The following TDRP variants were observed in gnomAD, a reference collection of about 807,000 sequenced individuals.
TDRP encodes the protein testis development-related protein.
Under a neutral mutation model 10.5 loss-of-function variants are expected in TDRP, and 12 were observed. The observed-to-expected ratio is 1.15, with a 90% CI of 0.73 to 1.86. TDRP has a LOEUF of 1.86. Among genes scored for constraint, TDRP ranks in the 40% most tolerant of loss-of-function variants. The pLI is 0.00. For missense variants in TDRP, 353 were observed against 229.2 expected (o/e 1.54, Z -3.49); for synonymous variants, 139 against 95.4 (o/e 1.46, Z -2.67).
At chr8:496,140 C>T (rs539711991) in intron 1 of TDRP, among the ~76,000 whole-genome samples, 44 of 152,134 alleles carry the variant, frequency 2.9e-4, no homozygotes, top group Non-Finnish European at 5.0e-4. Flanking sequence ...AAGAAACCAT[C>T]ACAGCAAAAA....
chr8:501,066 G>A (rs764680765), intron 1 of TDRP, among the ~76,000 whole-genome samples: 12 of 151,966 alleles, frequency 7.9e-5, no homozygotes, highest in South Asian at 2.1e-4. Context: ...TTAGCCGGGC[G>A]TGATGGCGGG....
chr8:494,167 T>G (rs1801063590), intron 2 of TDRP, among the ~76,000 whole-genome samples: 1 of 151,992 alleles, frequency 6.6e-6, no homozygotes, highest in Admixed American at 6.6e-5. Flanking sequence ...TTCACCATGT[T>G]GGCCAGGCTG....
At chr8:545,505 C>G (rs1802629778), upstream of TDRP, 1 of 151,852 alleles carries the variant, frequency 6.6e-6, no homozygotes, top group Non-Finnish European at 1.5e-5. Flanking sequence ...GCTCGGGTCA[C>G]CAAGGCAACG....
chr8:494,935 A>C (rs950397957), intron 1 of TDRP: 1 of 185,118 alleles, frequency 5.4e-6, no homozygotes, highest in African/African-American at 2.4e-5. Context: ...GGTCTCCTTA[A>C]AACTTGGGAG....
intron 1 of TDRP, among the ~76,000 whole-genome samples, chr8:500,062 T>C (rs1801244756): frequency 6.6e-6 from 1 of 152,124 alleles, no homozygotes; most frequent in South Asian, 2.1e-4. Context: ...AGAGAGAAAG[T>C]GACATCCAAA....
rs756249603 is a variant in TDRP, at chr8:514,078, A to G, written c.109-19481T>C. Among the ~76,000 whole-genome samples the G allele has an allele frequency of 3.6e-4, 55 of 152,220 alleles. 1 individual carries two copies. Among genetic ancestry groups the G allele is most frequent in the Non-Finnish European group, 6.9e-4 (47 of 68,040 alleles). On this transcript the variant is annotated intron_variant, in intron 1 of 2. Coordinates refer to ENST00000324079, the MANE Select transcript of TDRP (RefSeq NM_001384899.1). ...ATCACAATACCAGCTGATTCTTTGT[A>G]AAAACTGATGAGCTGACTCTAAGAT... is the stretch of plus-strand genomic sequence containing the variant.
chr8:515,642 T>C (rs1801738754), intron 1 of TDRP, among the ~76,000 whole-genome samples: 1 of 152,222 alleles, frequency 6.6e-6, no homozygotes, highest in Non-Finnish European at 1.5e-5. Context: ...AACCCACTGA[T>C]GTCAGGAAGA....
chr8:499,862 T>G (rs1230493210), intron 1 of TDRP, among the ~76,000 whole-genome samples: 1 of 152,200 alleles, frequency 6.6e-6, no homozygotes, highest in Non-Finnish European at 1.5e-5. Context: ...ATGGACATTG[T>G]CCTGAGGTGG....
chr8:492,244 G>T lies in TDRP; in HGVS notation c.*155C>A, dbSNP rs757134655. The stretch of plus-strand genomic sequence containing the variant: ...TGTTCACCAAGGAGTCACAGTGTGT[G>T]TGAGAGTTCATTAAATAAAGAAACA... On this transcript the variant is annotated 3_prime_UTR_variant, in exon 3 of 3. Transcript: ENST00000324079. 79 of 1,340,952 alleles carry T rather than the reference G, an allele frequency of 5.9e-5. No individual in the cohort carries two copies. Among genetic ancestry groups the T allele is most frequent in the Non-Finnish European group, 7.3e-5 (77 of 1,050,284 alleles). The allele number at this position is 1,340,952 out of a possible 1,614,324, so 83.1% of individuals were successfully genotyped here. A position where few individuals can be genotyped will look rare whatever the true frequency, so the allele number is the denominator to read the frequency against.
intron 1 of TDRP, among the ~76,000 whole-genome samples, chr8:495,297 C>T (rs1377122754): frequency 1.3e-5 from 2 of 152,160 alleles, no homozygotes; most frequent in South Asian, 4.1e-4. Context: ...AAGGTTGTTA[C>T]AAGAGGTCCC....
chr8:513,237 A>G (rs992774316), intron 1 of TDRP, among the ~76,000 whole-genome samples: 5 of 152,222 alleles, frequency 3.3e-5, no homozygotes, highest in Middle Eastern at 3.4e-3. Context: ...ATCTCTTATG[A>G]ATATGGACCA....
chr8:529,411 C>T (rs923871323), intron 1 of TDRP, among the ~76,000 whole-genome samples: 8 of 152,186 alleles, frequency 5.3e-5, no homozygotes, highest in African/African-American at 1.7e-4. Context: ...TTGCTCACCA[C>T]CATTACTATA....
chr8:525,530 AC>A (rs1802012528), intron 1 of TDRP, among the ~76,000 whole-genome samples: 1 of 152,208 alleles, frequency 6.6e-6, no homozygotes, highest in African/African-American at 2.4e-5. Flanking sequence ...ATACATGGAA[AC>A]AACAAAGAGA....
intron 1 of TDRP, among the ~76,000 whole-genome samples, chr8:500,024 A>C (rs1302986997): frequency 2.6e-5 from 4 of 152,216 alleles, no homozygotes; most frequent in African/African-American, 4.8e-5. Flanking sequence ...AATGATGGTA[A>C]AACATTCTTA....
In TDRP at chr8:491,604, A is replaced by G; in HGVS notation, c.*795T>C. 1.3e-6 allele frequency: 2 copies of G among 1,530,002 alleles called. No individual in the cohort carries two copies. Among genetic ancestry groups the G allele is most frequent in the Non-Finnish European group, 1.7e-6 (2 of 1,145,102 alleles). The allele number at this position is 1,530,002 out of a possible 1,614,324, so 94.8% of individuals were successfully genotyped here. ...TTTATGCACAGTCTTAACTCTCTAT[A>G]ATGAGCAAGACAATGTTTCCTAAAT... On this transcript the variant is annotated 3_prime_UTR_variant, in exon 3 of 3. Coordinates refer to ENST00000324079, the MANE Select transcript of TDRP (RefSeq NM_001384899.1).
chr8:519,493 A>G (rs1354878986), intron 1 of TDRP, among the ~76,000 whole-genome samples: 1 of 152,096 alleles, frequency 6.6e-6, no homozygotes, highest in African/African-American at 2.4e-5. Context: ...CAATTGCGTT[A>G]ACTACATGCA....
chr8:506,694 G>A (rs1439621406), intron 1 of TDRP, among the ~76,000 whole-genome samples: 2 of 152,196 alleles, frequency 1.3e-5, no homozygotes. Context: ...AGAGCAGCTT[G>A]CCTTTGTCCC....
At chr8:514,370 C>T (rs917682279) in intron 1 of TDRP, among the ~76,000 whole-genome samples, 1 of 152,150 alleles carries the variant, frequency 6.6e-6, no homozygotes, top group African/African-American at 2.4e-5. Flanking sequence ...ATAATCTTTT[C>T]AACAAATGGC....
At chr8:517,765 A>T (rs1801795872) in intron 1 of TDRP, among the ~76,000 whole-genome samples, 1 of 152,342 alleles carries the variant, frequency 6.6e-6, no homozygotes, top group African/African-American at 2.4e-5. Flanking sequence ...CAAAATTGTC[A>T]TTGTGTCTCA....
Sources: allele counts gnomAD v4.1 joint callset (sites outside exome capture counted in the v4.1 genomes callset), GRCh38; gene constraint gnomAD v4.1.1; transcripts MANE v1.5; gene names NCBI Gene and HGNC (gene_info 2026-07-23, HGNC 2026-07-21).